The following ZNF704 variants were observed in gnomAD, a reference collection of about 807,000 sequenced individuals.
ZNF704 encodes glucocorticoid induced gene 1.
A neutral mutation model predicts 44.7 loss-of-function variants in ZNF704; 10 were observed. That is an observed-to-expected ratio of 0.22 (90% CI 0.14 to 0.38). The LOEUF (loss-of-function observed/expected upper bound fraction) is 0.38, where lower values mean the gene tolerates loss of function less well. ZNF704 is among the 10% of genes least tolerant of loss of function. The pLI is 1.00. For synonymous variants in ZNF704, 211 were observed against 207.6 expected (o/e 1.02, Z -0.14); for missense variants, 390 against 545.5 (o/e 0.71, Z 2.84).
chr8:80,663,966 A>G (rs796581885), intron 6 of ZNF704, among the ~76,000 whole-genome samples: 15 of 152,040 alleles, frequency 9.9e-5, no homozygotes, highest in African/African-American at 3.6e-4. Context: ...CCTGAGTTCA[A>G]GCAATCCACT....
intron 5 of ZNF704, among the ~76,000 whole-genome samples, chr8:80,668,264 CG>C (rs1360412073): frequency 2.6e-5 from 4 of 152,216 alleles, no homozygotes; most frequent in Non-Finnish European, 5.9e-5. Context: ...ATCCCTGACT[CG>C]GAACATACCT....
chr8:80,637,764 GCACA>G lies in ZNF704; in HGVS notation c.*3598_*3601del, dbSNP rs1414570482. On this transcript the variant is annotated 3_prime_UTR_variant, in exon 9 of 9. Transcript: ENST00000327835. Reference sequence around the variant, plus strand: ...GCTGACAGGCACTTTGCAGCTAAGCGCACACATTCTTGGTCAGAAACCCACAGCT... The same window carrying G: ...GCTGACAGGCACTTTGCAGCTAAGCGCATTCTTGGTCAGAAACCCACAGCT... 1.3e-5 allele frequency: 2 copies of G among 152,236 alleles called. No homozygotes were observed. Among genetic ancestry groups the G allele is most frequent in the African/African-American group, 4.8e-5 (2 of 41,456 alleles). 9.4% of individuals were successfully genotyped at this position (152,236 alleles called of 1,614,324 possible). A position where few individuals can be genotyped will look rare whatever the true frequency, so the allele number is the denominator to read the frequency against.
At chr8:80,855,185 C>T (rs1455080862) in intron 1 of ZNF704, among the ~76,000 whole-genome samples, 1 of 152,076 alleles carries the variant, frequency 6.6e-6, no homozygotes, top group Middle Eastern at 3.2e-3. Flanking sequence ...TACATGGATA[C>T]AATGTTTTGA....
At position 80,688,826 on chromosome 8, in the gene ZNF704, G is replaced by A. The variant is rs1585954524; in HGVS notation, c.326-1368C>T. Among the ~76,000 whole-genome samples the A allele has an allele frequency of 5.3e-5, 8 of 152,268 alleles. 2 individuals carry two copies. The highest frequency in any genetic ancestry group is 5.2e-4 in the Admixed American group (8 of 15,304). ...ATACAAAAATTAGCTGGACATGGTG[G>A]TGCGTGCCTGTAATCCCAGCTACTG... On this transcript the variant is annotated intron_variant, in intron 3 of 8. Transcript: ENST00000327835.
At chr8:80,844,050 T>A (rs892873544) in intron 1 of ZNF704, among the ~76,000 whole-genome samples, 1 of 151,580 alleles carries the variant, frequency 6.6e-6, no homozygotes, top group Admixed American at 6.6e-5. Flanking sequence ...GAGCTTACAA[T>A]GCAGTGGAAA....
intron 2 of ZNF704, among the ~76,000 whole-genome samples, chr8:80,795,380 G>C (rs1207938403): frequency 6.6e-6 from 1 of 152,156 alleles, no homozygotes. Flanking sequence ...AAGATACTTA[G>C]ACTGTCATCC....
chr8:80,726,833 GCACACACACACACA>G (rs60158512), intron 2 of ZNF704, among the ~76,000 whole-genome samples: 1 of 147,584 alleles, frequency 6.8e-6, no homozygotes, highest in Non-Finnish European at 1.5e-5. Context: ...ACACACACAT[GCACACACACACACA>G]CACACACACA....
At chr8:80,792,811 T>C (rs528425359) in intron 2 of ZNF704, among the ~76,000 whole-genome samples, 32 of 152,314 alleles carry the variant, frequency 2.1e-4, no homozygotes, top group African/African-American at 7.2e-4. Flanking sequence ...AACAATCATA[T>C]GTGCTCAGAA....
At chr8:80,687,955 T>C (rs1818569538) in intron 3 of ZNF704, among the ~76,000 whole-genome samples, 1 of 152,162 alleles carries the variant, frequency 6.6e-6, no homozygotes, top group African/African-American at 2.4e-5. Context: ...TCTCTTATCC[T>C]AGCATTTTGA....
intron 2 of ZNF704, among the ~76,000 whole-genome samples, chr8:80,708,348 G>T (rs1310718431): frequency 6.6e-6 from 1 of 152,240 alleles, no homozygotes; most frequent in African/African-American, 2.4e-5. Flanking sequence ...CATAACAGCA[G>T]ATCAGTAACA....
At chr8:80,691,338 C>T (rs1384257182) in intron 3 of ZNF704, among the ~76,000 whole-genome samples, 3 of 152,374 alleles carry the variant, frequency 2.0e-5, no homozygotes, top group South Asian at 2.1e-4. Context: ...CAATCTGCAA[C>T]TGGCTTTCTC....
intron 7 of ZNF704, among the ~76,000 whole-genome samples, chr8:80,650,711 G>C (rs2131596181): frequency 6.6e-6 from 1 of 152,338 alleles, no homozygotes; most frequent in South Asian, 2.1e-4. Flanking sequence ...GAAAGTGACA[G>C]GGAGAATGGA....
chr8:80,675,834 A>C (rs142896835), intron 4 of ZNF704, among the ~76,000 whole-genome samples: 168 of 152,246 alleles, frequency 1.1e-3, no homozygotes, highest in Admixed American at 2.0e-3. Flanking sequence ...GGAATCAGGG[A>C]GAGTCAGGGA....
chr8:80,797,827 A>AT (rs1807832676), intron 2 of ZNF704, among the ~76,000 whole-genome samples: 1 of 152,128 alleles, frequency 6.6e-6, no homozygotes, highest in Admixed American at 6.5e-5. Context: ...TGAAAAAAAA[A>AT]GCACGTTCTC....
At chr8:80,706,238 C>A (rs1818896105) in intron 2 of ZNF704, among the ~76,000 whole-genome samples, 1 of 152,134 alleles carries the variant, frequency 6.6e-6, no homozygotes, top group Non-Finnish European at 1.5e-5. Context: ...TAAAGAACTT[C>A]CAGCTACATT....
At chr8:80,847,300 T>C (rs1006605553) in intron 1 of ZNF704, among the ~76,000 whole-genome samples, 30 of 152,260 alleles carry the variant, frequency 2.0e-4, no homozygotes, top group African/African-American at 6.3e-4. Flanking sequence ...TCCTGAAAAT[T>C]ACAAATTGTT....
rs1021824679 is a variant in ZNF704, at chr8:80,640,225, A to C, written c.*1141T>G. 2 of 152,618 alleles carry C rather than the reference A, an allele frequency of 1.3e-5. No individual in the cohort carries two copies. Among genetic ancestry groups the C allele is most frequent in the African/African-American group, 4.8e-5 (2 of 41,438 alleles). 9.5% of individuals were successfully genotyped at this position (152,618 alleles called of 1,614,324 possible). On this transcript the variant is annotated 3_prime_UTR_variant, in exon 9 of 9. Transcript: ENST00000327835. ...CACATAATGTTTATATTGTTAATTAACTCATCTCCCGGACATGCTAAAGCA... is the reference window on the plus strand; with the variant it reads ...CACATAATGTTTATATTGTTAATTACCTCATCTCCCGGACATGCTAAAGCA...
chr8:80,654,088 G>T (rs538080864), intron 7 of ZNF704, among the ~76,000 whole-genome samples: 2 of 152,232 alleles, frequency 1.3e-5, no homozygotes, highest in African/African-American at 4.8e-5. Flanking sequence ...AAGAAATGGG[G>T]AAAGGATTCC....
chr8:80,638,735 C>T lies in ZNF704; in HGVS notation c.*2631G>A, dbSNP rs1343969822. On this transcript the variant is annotated 3_prime_UTR_variant, in exon 9 of 9. Coordinates refer to ENST00000327835, the MANE Select transcript of ZNF704 (RefSeq NM_001033723.3). ...CTACTAGTTATTCCACGCCTTGGTC[C>T]AGGGAATATGTGTCTGTGTCCAGGA... The T allele has an allele frequency of 1.3e-5, 2 of 152,072 alleles. No homozygotes were observed. The highest frequency in any genetic ancestry group is 1.3e-4 in the Admixed American group (2 of 15,262). The allele number at this position is 152,072 out of a possible 1,614,324, so 9.4% of individuals were successfully genotyped here.
Sources: gnomAD v4.1 joint callset for allele counts (sites outside exome capture counted in the v4.1 genomes callset) on GRCh38, gnomAD v4.1.1 for gene constraint, MANE v1.5 for transcripts, NCBI Gene and HGNC (gene_info 2026-07-23, HGNC 2026-07-21) for gene names.